CDC14A: variants seen among roughly 807,000 people sequenced by gnomAD.
CDC14A encodes the protein dual specificity protein phosphatase CDC14A.
CDC14A carries 53 observed loss-of-function variants against 74.4 expected under a neutral mutation model. The observed-to-expected ratio is 0.71, with a 90% CI of 0.57 to 0.89. CDC14A has a LOEUF of 0.89. Among genes scored for constraint, CDC14A ranks in the 40% least tolerant of loss-of-function variants. CDC14A has a pLI of 0.00. For missense variants in CDC14A, 646 were observed against 713.7 expected, an observed-to-expected ratio of 0.91 and a Z score of 1.08; for synonymous variants, 247 against 258.4, an observed-to-expected ratio of 0.96 and a Z score of 0.43.
intron 2 of CDC14A, among the ~76,000 whole-genome samples, chr1:100,361,099 TAAA>T (rs11339221): frequency 7.1e-6 from 1 of 140,274 alleles, no homozygotes. Flanking sequence ...CCTTTGTGCT[TAAA>T]AAAAAAAAAA....
chr1:100,514,145 T>C (rs993529006), intron 15 of CDC14A, among the ~76,000 whole-genome samples: 3 of 143,586 alleles, frequency 2.1e-5, no homozygotes, highest in Admixed American at 1.5e-4. Context: ...TCTAAAATAA[T>C]ATTTGTACTT....
intron 3 of CDC14A, among the ~76,000 whole-genome samples, chr1:100,382,664 C>A (rs766991513): frequency 6.6e-6 from 1 of 151,154 alleles, no homozygotes; most frequent in African/African-American, 2.4e-5. Context: ...TTTTTTAATA[C>A]CTGCTGTTAT....
intron 10 of CDC14A, 108 bp downstream of exon 10, chr1:100,468,202 T>C: frequency 8.0e-7 from 1 of 1,251,554 alleles, no homozygotes; most frequent in Non-Finnish European, 1.1e-6. Context: ...AATGGCTGCA[T>C]TGTTAAGAGA....
intron 5 of CDC14A, among the ~76,000 whole-genome samples, chr1:100,437,391 G>C (rs1423912450): frequency 1.3e-5 from 2 of 152,158 alleles, no homozygotes; most frequent in East Asian, 3.8e-4. Context: ...CAGATTTTGA[G>C]AACCTGTTGG....
At chr1:100,393,315 C>A in intron 4 of CDC14A, 2 of 1,082,900 alleles carry the variant, frequency 1.8e-6, no homozygotes, top group South Asian at 2.5e-5. Context: ...GGCATTACAT[C>A]CATGCTGTGA....
At chr1:100,382,600 G>GA (rs577082382) in intron 3 of CDC14A, among the ~76,000 whole-genome samples, 2,292 of 149,522 alleles carry the variant, frequency 0.015, 60 homozygotes, top group African/African-American at 0.053. Flanking sequence ...TGAGCTTGGA[G>GA]AAAAAAAAAG....
At chr1:100,496,880 C>T (rs983688578) in intron 13 of CDC14A, among the ~76,000 whole-genome samples, 2 of 152,188 alleles carry the variant, frequency 1.3e-5, no homozygotes, top group Admixed American at 6.5e-5. Flanking sequence ...AATGATTTAT[C>T]TAGGATCAAA....
At chr1:100,494,044 T>C (rs1647404745) in intron 11 of CDC14A, among the ~76,000 whole-genome samples, 1 of 152,192 alleles carries the variant, frequency 6.6e-6, no homozygotes, top group Admixed American at 6.5e-5. Context: ...TGCTATGGCA[T>C]ATATTTTAGA....
intron 4 of CDC14A, among the ~76,000 whole-genome samples, chr1:100,409,209 A>T (rs1401658406): frequency 6.6e-6 from 1 of 152,148 alleles, no homozygotes; most frequent in Non-Finnish European, 1.5e-5. Context: ...ATCTCATGAG[A>T]TTCATTCACT....
At chr1:100,490,800 A>T (rs551484611) in intron 11 of CDC14A, among the ~76,000 whole-genome samples, 1 of 152,364 alleles carries the variant, frequency 6.6e-6, no homozygotes, top group East Asian at 1.9e-4. Flanking sequence ...ACATAAAAAA[A>T]TTCTACTTCC....
chr1:100,416,228 G>C (rs1027124317), intron 4 of CDC14A, among the ~76,000 whole-genome samples: 8 of 152,128 alleles, frequency 5.3e-5, no homozygotes, highest in African/African-American at 1.9e-4. Flanking sequence ...GCAGGTAACT[G>C]GTGAGTGCTT....
intron 3 of CDC14A, among the ~76,000 whole-genome samples, chr1:100,383,216 C>A (rs1656393062): frequency 6.6e-6 from 1 of 152,084 alleles, no homozygotes; most frequent in Non-Finnish European, 1.5e-5. Flanking sequence ...GCAGGAAGAA[C>A]CCCGTTTATA....
intron 2 of CDC14A, among the ~76,000 whole-genome samples, chr1:100,371,553 T>C (rs1184008084): frequency 1.3e-5 from 2 of 152,350 alleles, no homozygotes; most frequent in East Asian, 1.9e-4. Flanking sequence ...TTTGAGATGA[T>C]CACATTTTAA....
intron 11 of CDC14A, among the ~76,000 whole-genome samples, chr1:100,493,910 G>T (rs1177872398): frequency 6.6e-6 from 1 of 152,160 alleles, no homozygotes; most frequent in African/African-American, 2.4e-5. Flanking sequence ...TCAAACAAGA[G>T]TTCTAGTTTT....
At chr1:100,389,664 A>G (rs1320141103) in intron 3 of CDC14A, among the ~76,000 whole-genome samples, 1 of 152,040 alleles carries the variant, frequency 6.6e-6, no homozygotes, top group Non-Finnish European at 1.5e-5. Flanking sequence ...AGGATCAAGA[A>G]AAGTACATAG....
intron 10 of CDC14A, 32 bp downstream of exon 10, chr1:100,468,126 T>C: frequency 6.2e-7 from 1 of 1,611,920 alleles, no homozygotes; most frequent in South Asian, 1.1e-5. Context: ...CCACATTATA[T>C]CCTGTTCTTG....
chr1:100,498,959 T>A lies in CDC14A; in HGVS notation c.1452T>A (p.Ser484=). 1.2e-6 allele frequency: 2 copies of A among 1,613,838 alleles called. No homozygotes were observed. Among genetic ancestry groups the A allele is most frequent in the Non-Finnish European group, 1.7e-6 (2 of 1,179,818 alleles). ...SFSINSRLAS[S]LGNLNAATDD... ...CCATAAACTCCCGGCTAGCCAGTTC[T>A]CTAGGGAACTTGAATGCTGCAACAG... The change falls in exon 15 of 16, where the codon TCT becomes TCA. Residue 484 remains serine, a synonymous_variant. Transcript: ENST00000336454.
At chr1:100,377,662 T>C (rs1655476956) in intron 3 of CDC14A, 41 bp downstream of exon 3, 1 of 1,466,792 alleles carries the variant, frequency 6.8e-7, no homozygotes. Context: ...AATTAAAACA[T>C]TTGAACCATA....
chr1:100,404,832 AAAAAC>A (rs368610741), intron 4 of CDC14A, among the ~76,000 whole-genome samples: 2,528 of 121,680 alleles, frequency 0.021, 34 homozygotes, highest in Non-Finnish European at 0.021. Flanking sequence ...TCCGTCTCAA[AAAAAC>A]AAAACAAAAC....
Sources: allele counts gnomAD v4.1 joint callset (sites outside exome capture counted in the v4.1 genomes callset), GRCh38; gene constraint gnomAD v4.1.1; transcripts MANE v1.5; gene names NCBI Gene and HGNC (gene_info 2026-07-23, HGNC 2026-07-21).